Variants in KIAA1328 observed in about 807,000 individuals in gnomAD.
KIAA1328 encodes the protein KIAA1328, also known as protein hinderin.
In KIAA1328, 52 loss-of-function variants were observed where a neutral mutation model predicts 68.1. The ratio of observed to expected loss-of-function variants is 0.76; its 90% CI spans 0.61 to 0.96. The LOEUF is 0.96. Among genes scored for constraint, KIAA1328 ranks in the 40% least tolerant of loss-of-function variants. The pLI, the probability that KIAA1328 is intolerant of heterozygous loss-of-function variation, is 0.00. For missense variants in KIAA1328, 641 were observed against 677.6 expected, an observed-to-expected ratio of 0.95 and a Z score of 0.60; for synonymous variants, 232 against 239.4, an observed-to-expected ratio of 0.97 and a Z score of 0.28.
At chr18:37,191,288 T>A (rs1396200065) in intron 9 of KIAA1328, among the ~76,000 whole-genome samples, 1 of 152,260 alleles carries the variant, frequency 6.6e-6, no homozygotes, top group Non-Finnish European at 1.5e-5. Flanking sequence ...AAGACTTCAT[T>A]ACATACGTTA....
At chr18:37,094,824 A>G (rs1449728200) in intron 7 of KIAA1328, among the ~76,000 whole-genome samples, 2 of 152,206 alleles carry the variant, frequency 1.3e-5, no homozygotes, top group Admixed American at 1.3e-4. Context: ...TATGCAGCCT[A>G]CAAGAAAGTA....
chr18:36,920,683 T>C (rs2049885246), intron 5 of KIAA1328, among the ~76,000 whole-genome samples: 1 of 152,208 alleles, frequency 6.6e-6, no homozygotes, highest in Admixed American at 6.5e-5. Context: ...GTGTATTACA[T>C]AGTTTTTGTA....
At chr18:37,150,646 A>T (rs949838794) in intron 7 of KIAA1328, among the ~76,000 whole-genome samples, 1 of 152,134 alleles carries the variant, frequency 6.6e-6, no homozygotes, top group Non-Finnish European at 1.5e-5. Context: ...TGTAAAAAGC[A>T]TAATACAGCT....
chr18:37,051,630 G>A (rs928791278), intron 6 of KIAA1328, among the ~76,000 whole-genome samples: 1 of 152,222 alleles, frequency 6.6e-6, no homozygotes, highest in Non-Finnish European at 1.5e-5. Context: ...TCAAAGCAGA[G>A]CTGGTACGAA....
intron 7 of KIAA1328, among the ~76,000 whole-genome samples, chr18:37,116,772 G>T (rs2058121462): frequency 6.6e-6 from 1 of 152,108 alleles, no homozygotes; most frequent in Admixed American, 6.5e-5. Context: ...TCTGACAAAG[G>T]CCTAATATCT....
chr18:37,128,281 T>TA (rs1371194490), intron 7 of KIAA1328, among the ~76,000 whole-genome samples: 1 of 152,102 alleles, frequency 6.6e-6, no homozygotes, highest in Non-Finnish European at 1.5e-5. Flanking sequence ...CCAGCCTGGC[T>TA]AACATGGAGA....
intron 3 of KIAA1328, among the ~76,000 whole-genome samples, chr18:36,839,732 G>GTGC (rs1324460422): frequency 6.6e-6 from 1 of 152,144 alleles, no homozygotes; most frequent in Non-Finnish European, 1.5e-5. Context: ...TTTAAAGGTG[G>GTGC]TGCCAGAGCA....
At chr18:37,120,594 A>T (rs998809872) in intron 7 of KIAA1328, among the ~76,000 whole-genome samples, 4 of 152,156 alleles carry the variant, frequency 2.6e-5, no homozygotes, top group Non-Finnish European at 5.9e-5. Context: ...TTTACTTAAG[A>T]CAAAGAAGGT....
chr18:37,213,150 A>AT (rs920143329), intron 9 of KIAA1328, among the ~76,000 whole-genome samples: 5 of 152,060 alleles, frequency 3.3e-5, no homozygotes, highest in East Asian at 1.9e-4. Context: ...ATTTTTTGTA[A>AT]TTTTTTTTAT....
At chr18:37,140,761 T>A (rs2058748974) in intron 7 of KIAA1328, among the ~76,000 whole-genome samples, 1 of 152,158 alleles carries the variant, frequency 6.6e-6, no homozygotes, top group African/African-American at 2.4e-5. Context: ...AGATGCTAAA[T>A]AAGAATGACA....
chr18:36,947,548 T>C (rs1041354906), intron 5 of KIAA1328, among the ~76,000 whole-genome samples: 3 of 152,178 alleles, frequency 2.0e-5, no homozygotes, highest in Non-Finnish European at 2.9e-5. Flanking sequence ...CAGGAATCAA[T>C]AGAAAGGAGT....
At chr18:36,834,461 G>A (rs1336549574) in intron 2 of KIAA1328, 106 bp downstream of exon 2, 7 of 927,074 alleles carry the variant, frequency 7.6e-6, no homozygotes, top group Non-Finnish European at 1.1e-5. Context: ...ACTGAATGCA[G>A]AGCAGTACAT....
chr18:37,053,313 T>G (rs2055777201), intron 6 of KIAA1328, among the ~76,000 whole-genome samples: 1 of 152,090 alleles, frequency 6.6e-6, no homozygotes. Flanking sequence ...ACTCTTATCT[T>G]TTACCATATA....
intron 6 of KIAA1328, among the ~76,000 whole-genome samples, chr18:37,055,408 G>A (rs1374309034): frequency 6.6e-6 from 1 of 152,180 alleles, no homozygotes; most frequent in East Asian, 1.9e-4. Context: ...AGTTGCAACT[G>A]ATGATATAAC....
intron 4 of KIAA1328, among the ~76,000 whole-genome samples, chr18:36,877,663 C>CTTTTT (rs908999170): frequency 2.6e-5 from 3 of 116,010 alleles, no homozygotes; most frequent in Non-Finnish European, 3.6e-5. Flanking sequence ...CAGTCTGTGT[C>CTTTTT]TTTTTTTTTT....
intron 4 of KIAA1328, among the ~76,000 whole-genome samples, chr18:36,879,945 G>A (rs1157476992): frequency 1.3e-5 from 2 of 152,202 alleles, no homozygotes; most frequent in Non-Finnish European, 2.9e-5. Flanking sequence ...TTTCAAGCCG[G>A]TGGATCTTAG....
chr18:36,942,163 A>C (rs898469693), intron 5 of KIAA1328, among the ~76,000 whole-genome samples: 1 of 152,206 alleles, frequency 6.6e-6, no homozygotes, highest in Non-Finnish European at 1.5e-5. Flanking sequence ...TTATAACACA[A>C]AGGGAACTGA....
chr18:36,932,739 T>G (rs775810071), intron 5 of KIAA1328, among the ~76,000 whole-genome samples: 1 of 152,206 alleles, frequency 6.6e-6, no homozygotes, highest in Non-Finnish European at 1.5e-5. Context: ...GCTAATTGAT[T>G]ATTATTTTAT....
In KIAA1328 at chr18:37,223,267, A is replaced by G. The variant is rs780201538; in HGVS notation, c.*1040A>G. ...AAGAACCATCTCTACTTGCCAGAGT[A>G]TGTTCCACCACCCAAGCAGGGTCTC... On this transcript the variant is annotated 3_prime_UTR_variant, in exon 10 of 10. Coordinates refer to ENST00000280020, the MANE Select transcript of KIAA1328 (RefSeq NM_020776.3). 1.1e-4 allele frequency: 106 copies of G among 985,224 alleles called. No individual in the cohort carries two copies. Among genetic ancestry groups the G allele is most frequent in the Non-Finnish European group, 1.3e-4 (104 of 830,022 alleles). The allele number at this position is 985,224 out of a possible 1,614,324, so 61.0% of individuals were successfully genotyped here. A position where few individuals can be genotyped will look rare whatever the true frequency, so the allele number is the denominator to read the frequency against.
Sources: gnomAD v4.1 joint callset for allele counts (sites outside exome capture counted in the v4.1 genomes callset) on GRCh38, gnomAD v4.1.1 for gene constraint, MANE v1.5 for transcripts, NCBI Gene and HGNC (gene_info 2026-07-23, HGNC 2026-07-21) for gene names.